The following ROBO2 variants were observed in gnomAD, a reference collection of about 807,000 sequenced individuals.
The protein encoded by ROBO2 is roundabout homolog 2.
ROBO2 carries 53 observed loss-of-function variants against 160.8 expected under a neutral mutation model. The observed-to-expected ratio is 0.33, with a 90% confidence interval of 0.26 to 0.41. ROBO2 has a LOEUF of 0.41. Ranked by LOEUF, ROBO2 falls within the 10% of genes least tolerant of loss-of-function variation. ROBO2 has a pLI of 1.00. For synonymous variants in ROBO2, 664 were observed against 611.7 expected (o/e 1.09, Z -1.26); for missense variants, 1,577 against 1,722.4 (o/e 0.92, Z 1.49).
At chr3:76,103,609 A>G (rs933868480) in intron 2 of ROBO2, among the ~76,000 whole-genome samples, 1 of 152,216 alleles carries the variant, frequency 6.6e-6, no homozygotes, top group Non-Finnish European at 1.5e-5. Flanking sequence ...CCACGTACAT[A>G]CTGGACCACA....
intron 20 of ROBO2, chr3:77,604,151 G>A (rs1176433845): frequency 6.6e-6 from 1 of 151,968 alleles, no homozygotes; most frequent in South Asian, 2.1e-4. Flanking sequence ...TTGCCTATTG[G>A]TAGAATTAGC....
intron 2 of ROBO2, among the ~76,000 whole-genome samples, chr3:77,294,060 G>A (rs55837232): frequency 0.37 from 50,847 of 137,704 alleles, 14,022 homozygotes; most frequent in Middle Eastern, 0.58. Flanking sequence ...ATGGGAAGTT[G>A]AGGCTAGAAC....
At chr3:77,503,379 G>T (rs1405308877) in intron 5 of ROBO2, among the ~76,000 whole-genome samples, 1 of 151,168 alleles carries the variant, frequency 6.6e-6, no homozygotes, top group Admixed American at 6.6e-5. Flanking sequence ...CAAAAAATTA[G>T]CCAGGCGTGG....
chr3:77,313,179 G>A (rs139135644), intron 2 of ROBO2, among the ~76,000 whole-genome samples: 1 of 152,110 alleles, frequency 6.6e-6, no homozygotes, highest in Non-Finnish European at 1.5e-5. Flanking sequence ...ACTCAGGATG[G>A]GTTAGAGATT....
chr3:77,634,877 C>T (rs761615250), exon 24 of ROBO2: 20 of 1,613,922 alleles, frequency 1.2e-5, no homozygotes, highest in Non-Finnish European at 1.6e-5. Flanking sequence ...TAGGAAAAGC[C>T]TTTACCTCCT....
chr3:77,030,959 TG>T (rs1162406522), intron 2 of ROBO2, among the ~76,000 whole-genome samples: 1 of 152,196 alleles, frequency 6.6e-6, no homozygotes, highest in Non-Finnish European at 1.5e-5. Flanking sequence ...ATACCTGTAT[TG>T]CCCCCATGAA....
intron 2 of ROBO2, among the ~76,000 whole-genome samples, chr3:76,356,588 A>T (rs1212938402): frequency 6.6e-6 from 1 of 151,720 alleles, no homozygotes; most frequent in Admixed American, 6.6e-5. Flanking sequence ...TTACCAAAAA[A>T]ATATAACGAT....
At chr3:77,026,313 A>G (rs945337093) in intron 2 of ROBO2, among the ~76,000 whole-genome samples, 1 of 152,322 alleles carries the variant, frequency 6.6e-6, no homozygotes, top group Admixed American at 6.5e-5. Flanking sequence ...ATATTAGAAT[A>G]AGGCAGATAC....
At chr3:76,145,648 C>G (rs2071856777) in intron 2 of ROBO2, among the ~76,000 whole-genome samples, 1 of 151,938 alleles carries the variant, frequency 6.6e-6, no homozygotes. Context: ...GATATAGATA[C>G]AGAAATTTAC....
chr3:77,528,438 C>T (rs952742972), intron 6 of ROBO2, among the ~76,000 whole-genome samples: 36 of 151,606 alleles, frequency 2.4e-4, no homozygotes, highest in African/African-American at 7.0e-4. Flanking sequence ...TTTCCCCCTT[C>T]GGTTGAAAGA....
chr3:76,311,952 T>C (rs2071615976), intron 2 of ROBO2, among the ~76,000 whole-genome samples: 1 of 152,222 alleles, frequency 6.6e-6, no homozygotes, highest in Non-Finnish European at 1.5e-5. Context: ...TTCAGTACTT[T>C]GAAGTGTTGT....
intron 16 of ROBO2, among the ~76,000 whole-genome samples, chr3:77,582,059 A>G (rs1390806486): frequency 6.6e-6 from 1 of 152,180 alleles, no homozygotes; most frequent in Admixed American, 6.5e-5. Context: ...TAGCTACATC[A>G]TCTTTTGTAA....
chr3:77,428,339 A>ATTTTT (rs59725522), intron 2 of ROBO2, among the ~76,000 whole-genome samples: 13 of 105,568 alleles, frequency 1.2e-4, no homozygotes, highest in African/African-American at 3.4e-4. Context: ...CTTAGGTAAT[A>ATTTTT]TTTTTTTTTT....
intron 2 of ROBO2, among the ~76,000 whole-genome samples, chr3:76,671,496 T>A (rs570866467): frequency 3.9e-4 from 59 of 152,266 alleles, no homozygotes; most frequent in Non-Finnish European, 7.6e-4. Context: ...ACACAATACT[T>A]CTCAGGAAAT....
intron 2 of ROBO2, among the ~76,000 whole-genome samples, chr3:75,949,386 T>G (rs1322493079): frequency 6.6e-6 from 1 of 152,116 alleles, no homozygotes; most frequent in Non-Finnish European, 1.5e-5. Context: ...TTTGTGAATT[T>G]ATCTCAGAGG....
intron 2 of ROBO2, among the ~76,000 whole-genome samples, chr3:76,937,596 G>T (rs1443675967): frequency 1.3e-5 from 2 of 152,004 alleles, no homozygotes; most frequent in Non-Finnish European, 2.9e-5. Flanking sequence ...AATCACATCT[G>T]CCAAAGAAAA....
At chr3:77,518,190 G>T (rs2090220548) in intron 5 of ROBO2, among the ~76,000 whole-genome samples, 1 of 151,398 alleles carries the variant, frequency 6.6e-6, no homozygotes, top group Non-Finnish European at 1.5e-5. Flanking sequence ...AGATAGAATA[G>T]ACCCCTTGTC....
At chr3:77,217,224 C>T (rs915160262) in intron 2 of ROBO2, among the ~76,000 whole-genome samples, 1 of 151,922 alleles carries the variant, frequency 6.6e-6, no homozygotes, top group Non-Finnish European at 1.5e-5. Context: ...CTCACTGCAA[C>T]CTCTGCCTCC....
chr3:76,531,348 T>A (rs1429923289), intron 2 of ROBO2, among the ~76,000 whole-genome samples: 1 of 152,092 alleles, frequency 6.6e-6, no homozygotes, highest in Non-Finnish European at 1.5e-5. Context: ...TAGCAATGAG[T>A]CTTTACTCTG....
Sources: gnomAD v4.1 joint callset for allele counts (sites outside exome capture counted in the v4.1 genomes callset) on GRCh38, gnomAD v4.1.1 for gene constraint, MANE v1.5 for transcripts, NCBI Gene and HGNC (gene_info 2026-07-23, HGNC 2026-07-21) for gene names.